HEATR5B: variants seen among roughly 807,000 people sequenced by gnomAD.
The protein encoded by HEATR5B is HEAT repeat containing 5B, also known as HEAT repeat-containing protein 5B.
In HEATR5B, 156 loss-of-function variants were observed where a neutral mutation model predicts 224.1. The ratio of observed to expected loss-of-function variants is 0.70; its 90% CI spans 0.61 to 0.80. HEATR5B has a LOEUF of 0.80. Among genes scored for constraint, HEATR5B ranks in the 30% least tolerant of loss-of-function variants. The probability of loss-of-function intolerance (pLI) is 0.00; values close to 1 mark genes in which losing one functional copy is unlikely to be tolerated. For missense variants in HEATR5B, 2,323 were observed against 2,535.5 expected (o/e 0.92, Z 1.80); for synonymous variants, 1,027 against 893.0 (o/e 1.15, Z -2.68).
chr2:36,983,624 A>T (rs1303212466), intron 35 of HEATR5B, among the ~76,000 whole-genome samples: 1 of 152,098 alleles, frequency 6.6e-6, no homozygotes, highest in African/African-American at 2.4e-5. Context: ...GCTACTCTGG[A>T]GGCTGAGGCA....
chr2:37,001,672 T>C (rs911212219), intron 32 of HEATR5B, among the ~76,000 whole-genome samples: 14 of 151,470 alleles, frequency 9.2e-5, no homozygotes, highest in Middle Eastern at 3.2e-3. Context: ...TCTTTTTCTT[T>C]CTTTTTTTTT....
intron 24 of HEATR5B, among the ~76,000 whole-genome samples, chr2:37,021,546 G>A (rs181651928): frequency 3.9e-5 from 6 of 152,118 alleles, no homozygotes; most frequent in African/African-American, 7.2e-5. Context: ...TGGCCAATGC[G>A]TAACTGACTT....
At chr2:37,074,014 T>C (rs1433747661) in intron 5 of HEATR5B, among the ~76,000 whole-genome samples, 4 of 152,076 alleles carry the variant, frequency 2.6e-5, no homozygotes, top group South Asian at 2.1e-4. Context: ...GAAGAAAAGA[T>C]AGGCTTTTCG....
At chr2:37,008,943 A>G (rs1667607825) in intron 27 of HEATR5B, 95 bp from the exon 28 acceptor site, 1 of 836,312 alleles carries the variant, frequency 1.2e-6, no homozygotes, top group South Asian at 1.7e-5. Context: ...ATCATCAAAG[A>G]TAACTGGGTA....
At chr2:36,982,041 C>T (rs1665616541) in intron 35 of HEATR5B, among the ~76,000 whole-genome samples, 1 of 148,574 alleles carries the variant, frequency 6.7e-6, no homozygotes, top group African/African-American at 2.5e-5. Flanking sequence ...AAAAAAAGGG[C>T]CAAAGGTTAA....
intron 2 of HEATR5B, among the ~76,000 whole-genome samples, chr2:37,081,623 A>G (rs1572958658): frequency 6.6e-6 from 1 of 152,260 alleles, no homozygotes; most frequent in Admixed American, 6.5e-5. Context: ...GGAATGGTTG[A>G]GAGTCTAATA....
chr2:37,056,123 T>C (rs1670892126), intron 16 of HEATR5B, among the ~76,000 whole-genome samples: 2 of 151,878 alleles, frequency 1.3e-5, no homozygotes, highest in Admixed American at 1.3e-4. Context: ...ACTATTATAA[T>C]GCATTTTTTT....
intron 7 of HEATR5B, 37 bp downstream of exon 7, chr2:37,070,193 C>A (rs374366593): frequency 9.3e-6 from 15 of 1,609,080 alleles, no homozygotes; most frequent in Non-Finnish European, 1.3e-5. Context: ...AGCCACCGTG[C>A]CTGGCCAAAA....
At chr2:37,078,995 C>T in intron 3 of HEATR5B, 125 bp downstream of exon 3, 1 of 587,092 alleles carries the variant, frequency 1.7e-6, no homozygotes, top group Non-Finnish European at 3.0e-6. Context: ...ACTTAGAGCT[C>T]TCACTGTTAG....
intron 14 of HEATR5B, among the ~76,000 whole-genome samples, chr2:37,058,190 A>G (rs571855754): frequency 1.3e-5 from 2 of 152,272 alleles, no homozygotes; most frequent in South Asian, 2.1e-4. Flanking sequence ...AAGTCTCTCA[A>G]TCTGAGATTC....
intron 35 of HEATR5B, among the ~76,000 whole-genome samples, chr2:36,986,133 A>G (rs1242554634): frequency 1.3e-5 from 2 of 152,180 alleles, no homozygotes; most frequent in African/African-American, 4.8e-5. Context: ...AGTGAGTAAG[A>G]TTCAGTCCTC....
chr2:37,049,552 A>T, intron 18 of HEATR5B, 101 bp downstream of exon 18: 1 of 1,009,476 alleles, frequency 9.9e-7, no homozygotes, highest in Non-Finnish European at 1.5e-6. Flanking sequence ...AAATATTATC[A>T]CATGCTGTAT....
At chr2:37,033,376 C>T (rs1277907327) in intron 21 of HEATR5B, among the ~76,000 whole-genome samples, 2 of 152,038 alleles carry the variant, frequency 1.3e-5, no homozygotes, top group African/African-American at 4.8e-5. Flanking sequence ...AATGAAAAAT[C>T]CAGAAGGATC....
Position 36,981,917 on chromosome 2 carries a change from T to G in HEATR5B, c.5912-123A>C, listed in dbSNP as rs1005987866. 6.0e-5 allele frequency: 34 copies of G among 569,758 alleles called. No individual in the cohort carries two copies. In the Admixed American group the frequency reaches 6.3e-4, roughly 11 times the overall value. The allele number at this position is 569,758 out of a possible 1,614,324, so 35.3% of individuals were successfully genotyped here. On this transcript the variant is annotated intron_variant, in intron 35 of 35. Transcript: ENST00000233099. ...TATAAGTACACATGCACAGCCTACT[T>G]TAGACCTCAATAACTCGTAATTAAT...
In HEATR5B at chr2:37,059,406, ATGTGTGTG is replaced by A. The variant is rs529487124; in HGVS notation, c.1850-427_1850-420del. Among the ~76,000 whole-genome samples the A allele has an allele frequency of 2.7e-3, 273 of 100,222 alleles. 2 individuals are homozygous for A. The highest frequency in any genetic ancestry group is 0.015 in the South Asian group (45 of 2,934). 65.7% of individuals were successfully genotyped at this position (100,222 alleles called of 152,430 possible). ...GCAACTTTTACAGATATATATGTAT[ATGTGTGTG>A]TGTGTGTGTGTGTGTGTGTGTGTGT... is the stretch of plus-strand genomic sequence containing the variant. On this transcript the variant is annotated intron_variant, in intron 12 of 35. Coordinates refer to ENST00000233099, the MANE Select transcript of HEATR5B (RefSeq NM_019024.3).
rs60636196 is a variant in HEATR5B, at chr2:36,984,215, A to AATATATATATATATAT, written c.5912-2437_5912-2422dup. 9.0e-5 allele frequency among the ~76,000 whole-genome samples: 7 copies of AATATATATATATATAT among 77,588 alleles called. No homozygotes were observed. In the South Asian group the frequency reaches 1.8e-3, roughly 20 times the overall value. 50.9% of individuals were successfully genotyped at this position (77,588 alleles called of 152,430 possible). On this transcript the variant is annotated intron_variant, in intron 35 of 35. Transcript: ENST00000233099. Reference sequence around the variant, plus strand: ...AACTCTGTCTCAAAAAAAAAAAAAAAATATATATATATATATATATATAAA... The same window carrying AATATATATATATATAT: ...AACTCTGTCTCAAAAAAAAAAAAAAAATATATATATATATATATATATATATATATATATATATAAA...
At chr2:37,029,084 T>C (rs1668958063) in intron 22 of HEATR5B, among the ~76,000 whole-genome samples, 164 bp from the exon 23 acceptor site, 1 of 152,260 alleles carries the variant, frequency 6.6e-6, no homozygotes, top group East Asian at 1.9e-4. Flanking sequence ...TCTTTGGGAT[T>C]ATAATTTAAT....
chr2:37,063,114 G>A (rs1671382938), intron 10 of HEATR5B, among the ~76,000 whole-genome samples: 1 of 152,134 alleles, frequency 6.6e-6, no homozygotes, highest in South Asian at 2.1e-4. Flanking sequence ...TTAGCTCAAT[G>A]GTAGATGCAT....
chr2:37,019,009 A>G (rs1272740530), intron 26 of HEATR5B, among the ~76,000 whole-genome samples: 3 of 151,906 alleles, frequency 2.0e-5, no homozygotes, highest in Non-Finnish European at 4.4e-5. Context: ...AAAACACACA[A>G]ATTAGCTGGG....
Sources: gnomAD v4.1 joint callset for allele counts (sites outside exome capture counted in the v4.1 genomes callset) on GRCh38, gnomAD v4.1.1 for gene constraint, MANE v1.5 for transcripts, NCBI Gene and HGNC (gene_info 2026-07-23, HGNC 2026-07-21) for gene names.